KANSL1L: variants seen among roughly 807,000 people sequenced by gnomAD.
KANSL1L encodes KAT8 regulatory NSL complex subunit 1-like protein.
A neutral mutation model predicts 108.6 loss-of-function variants in KANSL1L; 25 were observed. The observed-to-expected ratio is 0.23, with a 90% CI of 0.17 to 0.32. The LOEUF is 0.32. KANSL1L is among the 10% of genes least tolerant of loss of function. KANSL1L has a pLI of 1.00. For missense variants in KANSL1L, 1,137 were observed against 1,125.7 expected, an observed-to-expected ratio of 1.01 and a Z score of -0.14; for synonymous variants, 405 against 395.1, an observed-to-expected ratio of 1.03 and a Z score of -0.30.
At chr2:210,033,631 G>A (rs953006658) in intron 8 of KANSL1L, among the ~76,000 whole-genome samples, 3 of 151,398 alleles carry the variant, frequency 2.0e-5, no homozygotes, top group East Asian at 3.9e-4. Context: ...CCGGGTTCAC[G>A]CCATTCTCCT....
At chr2:210,076,644 G>T (rs554334444) in intron 5 of KANSL1L, among the ~76,000 whole-genome samples, 1 of 151,706 alleles carries the variant, frequency 6.6e-6, no homozygotes, top group Admixed American at 6.6e-5. Context: ...AGCTACACAT[G>T]AAAAGAGCAT....
At chr2:210,041,780 C>T (rs891493246) in intron 7 of KANSL1L, among the ~76,000 whole-genome samples, 1 of 152,100 alleles carries the variant, frequency 6.6e-6, no homozygotes, top group Non-Finnish European at 1.5e-5. Flanking sequence ...ATCTCTTCTT[C>T]AAATAATGTA....
chr2:210,077,310 T>C (rs1277704376), intron 5 of KANSL1L, among the ~76,000 whole-genome samples: 1 of 152,188 alleles, frequency 6.6e-6, no homozygotes, highest in Non-Finnish European at 1.5e-5. Context: ...GCTTTAAGTC[T>C]CGGTAAATAA....
intron 6 of KANSL1L, among the ~76,000 whole-genome samples, chr2:210,057,621 AACCCGGGTG>A (rs2125255092): frequency 6.6e-6 from 1 of 152,298 alleles, no homozygotes; most frequent in South Asian, 2.1e-4. Context: ...AAATGGCATG[AACCCGGGTG>A]TTGCGGGAAG....
intron 12 of KANSL1L, among the ~76,000 whole-genome samples, chr2:210,026,561 T>C (rs540564260): frequency 6.6e-6 from 1 of 152,332 alleles, no homozygotes; most frequent in Admixed American, 6.5e-5. Context: ...AGGTATTACG[T>C]GATATGTTTA....
intron 13 of KANSL1L, 151 bp from the exon 14 acceptor site, chr2:210,024,352 A>ATTAT (rs138078204): frequency 0.3 from 146,883 of 483,102 alleles, 24,919 homozygotes; most frequent in Non-Finnish European, 0.34. Flanking sequence ...GGTGCTATTT[A>ATTAT]TTATTTTCAT....
At position 210,031,448 on chromosome 2, in the gene KANSL1L, T is replaced by G. The variant is rs756620643; in HGVS notation, c.2128A>C (p.Lys710Gln). 6.2e-7 allele frequency: 1 copy of G among 1,601,606 alleles called. No homozygotes were observed. Among genetic ancestry groups the G allele is most frequent in the South Asian group, 1.1e-5 (1 of 90,352 alleles). Residue 710 changes from lysine to glutamine, a missense_variant, in exon 9 of 15, where the codon AAA (lysine) becomes CAA (glutamine). Lys to Gln is a moderately conservative substitution (Grantham distance 53). Around this residue, in one of 3 missense-constraint regions of KANSL1L, gnomAD observed 575 missense variants for 567.1 expected, o/e 1.01. Coordinates refer to ENST00000281772, the MANE Select transcript of KANSL1L (RefSeq NM_152519.4). ...SSAQLLQGRKKRHLSETALGE... is the reference protein window; with the variant it reads ...SSAQLLQGRKQRHLSETALGE... ...AATGCTGTTTCACTCAAATGTCTTTTCTTTCTTCCCTGTAACAGTTGTGCA... is the reference window on the plus strand; with the variant it reads ...AATGCTGTTTCACTCAAATGTCTTTGCTTTCTTCCCTGTAACAGTTGTGCA...
chr2:210,147,156 T>C (rs2095271644), intron 2 of KANSL1L, among the ~76,000 whole-genome samples: 1 of 152,238 alleles, frequency 6.6e-6, no homozygotes, highest in Non-Finnish European at 1.5e-5. Context: ...GATGTCCACA[T>C]GCCACAGTAG....
chr2:210,124,607 C>T (rs1274043930), intron 3 of KANSL1L, among the ~76,000 whole-genome samples: 1 of 150,514 alleles, frequency 6.6e-6, no homozygotes, highest in East Asian at 2.0e-4. Flanking sequence ...AAAAGAAGAA[C>T]AATTTAAACC....
chr2:210,057,015 CTG>C (rs2094358718), intron 6 of KANSL1L, among the ~76,000 whole-genome samples: 1 of 152,156 alleles, frequency 6.6e-6, no homozygotes, highest in Non-Finnish European at 1.5e-5. Context: ...AATTCCATCC[CTG>C]TGTGTATGCC....
upstream of KANSL1L, chr2:210,171,669 A>G (rs1483175049): frequency 1.3e-5 from 2 of 151,816 alleles, no homozygotes; most frequent in Non-Finnish European, 2.9e-5. Flanking sequence ...GGAAAAAAAA[A>G]AACACGGCCA....
Position 210,069,990 on chromosome 2 carries a change from G to A in KANSL1L, c.1755+5562C>T, listed in dbSNP as rs1460007697. Among the ~76,000 whole-genome samples, 23 of 150,212 alleles carry A rather than the reference G, an allele frequency of 1.5e-4. 1 individual carries two copies. The East Asian group carries it at 3.4e-3, about 22-fold the overall frequency. On this transcript the variant is annotated intron_variant, in intron 6 of 14. Coordinates refer to ENST00000281772, the MANE Select transcript of KANSL1L (RefSeq NM_152519.4). ...ATTACAGGCACCTGCCACCACACCC[G>A]GCTAACTTTTGTATTTTTAGTAGAG...
intron 1 of KANSL1L, among the ~76,000 whole-genome samples, chr2:210,156,114 AAGAT>A (rs1347122961): frequency 1.3e-5 from 2 of 152,174 alleles, no homozygotes; most frequent in African/African-American, 2.4e-5. Flanking sequence ...AAATGAGCAA[AAGAT>A]AGAGCAGTCA....
chr2:210,025,049 G>C, intron 13 of KANSL1L, 55 bp downstream of exon 13: 2 of 1,112,646 alleles, frequency 1.8e-6, no homozygotes, highest in Non-Finnish European at 2.8e-6. Flanking sequence ...TCATGCAGAG[G>C]TTTTGTTCAT....
chr2:210,070,073 C>T (rs2094495661), intron 6 of KANSL1L, among the ~76,000 whole-genome samples: 1 of 151,138 alleles, frequency 6.6e-6, no homozygotes, highest in South Asian at 2.1e-4. Flanking sequence ...AAATGATCCG[C>T]CTTCCTCAGC....
chr2:210,079,660 A>G (rs1406027219), intron 5 of KANSL1L: 19 of 14,238 alleles, frequency 1.3e-3, no homozygotes, highest in East Asian at 6.0e-3. Flanking sequence ...ATATATATAT[A>G]TATATGTATG....
At chr2:210,088,297 T>C (rs2094658300) in intron 5 of KANSL1L, 1 of 152,382 alleles carries the variant, frequency 6.6e-6, no homozygotes, top group African/African-American at 2.4e-5. Context: ...CTGACACTAG[T>C]GGCAAGGTGA....
intron 3 of KANSL1L, among the ~76,000 whole-genome samples, chr2:210,105,367 GA>G (rs60657600): frequency 0.014 from 1,986 of 140,874 alleles, 42 homozygotes; most frequent in African/African-American, 0.046. Context: ...ATATATATTT[GA>G]AAAAAAATAT....
At position 210,104,293 on chromosome 2, in the gene KANSL1L, C is replaced by T; in HGVS notation, c.1239G>A (p.Val413=). 6.2e-7 allele frequency: 1 copy of T among 1,612,174 alleles called. No homozygotes were observed. The highest frequency in any genetic ancestry group is 8.5e-7 in the Non-Finnish European group (1 of 1,178,616). Residue 413 remains valine, a synonymous_variant, in exon 4 of 15, where the codon GTG becomes GTA. Transcript: ENST00000281772. ...TTGGAAGCTGACATTCTTCTAGGACCACTATCCCCTAGACAAAAAACAATG... is the reference window on the plus strand; with the variant it reads ...TTGGAAGCTGACATTCTTCTAGGACTACTATCCCCTAGACAAAAAACAATG... ...HRQIRASKGI[V]VLEECQLPKD...
Sources: allele counts gnomAD v4.1 joint callset (sites outside exome capture counted in the v4.1 genomes callset), GRCh38; gene constraint gnomAD v4.1.1; regional missense constraint gnomAD v4.1.1; transcripts MANE v1.5; gene names NCBI Gene and HGNC (gene_info 2026-07-23, HGNC 2026-07-21).